Variants in PTPRG observed in about 807,000 individuals in gnomAD.
The protein encoded by PTPRG is protein tyrosine phosphatase receptor type G.
In PTPRG, 102 loss-of-function variants were observed where a neutral mutation model predicts 165.3. The ratio of observed to expected loss-of-function variants is 0.62; its 90% CI spans 0.53 to 0.73. The LOEUF (loss-of-function observed/expected upper bound fraction) is 0.73, where lower values mean the gene tolerates loss of function less well. Among genes scored for constraint, PTPRG ranks in the 30% least tolerant of loss-of-function variants. The pLI, the probability that PTPRG is intolerant of heterozygous loss-of-function variation, is 0.00. For synonymous variants in PTPRG, 675 were observed against 669.5 expected (o/e 1.01, Z -0.13); for missense variants, 1,866 against 1,861.4 (o/e 1.00, Z -0.05).
chr3:61,638,861 G>C (rs966915518), intron 1 of PTPRG, among the ~76,000 whole-genome samples: 1 of 152,040 alleles, frequency 6.6e-6, no homozygotes, highest in Non-Finnish European at 1.5e-5. Flanking sequence ...CATTCTGAAG[G>C]TTGTCTGTTT....
intron 19 of PTPRG, 91 bp from the exon 20 acceptor site, chr3:62,268,944 C>T: frequency 7.5e-7 from 1 of 1,341,852 alleles, no homozygotes; most frequent in Non-Finnish European, 9.9e-7. Flanking sequence ...GCAATCTCAC[C>T]TGTGTTTTAA....
At chr3:61,891,948 T>C (rs1306949387) in intron 2 of PTPRG, among the ~76,000 whole-genome samples, 2 of 152,200 alleles carry the variant, frequency 1.3e-5, no homozygotes, top group Non-Finnish European at 2.9e-5. Flanking sequence ...ATATGCATTT[T>C]CAGTAAATAA....
intron 2 of PTPRG, among the ~76,000 whole-genome samples, chr3:61,751,275 G>A (rs952106010): frequency 5.9e-5 from 9 of 152,286 alleles, no homozygotes; most frequent in African/African-American, 2.2e-4. Flanking sequence ...CATCAGACCA[G>A]CACCTTAAAA....
chr3:61,707,172 A>G (rs1176752843), intron 1 of PTPRG, among the ~76,000 whole-genome samples: 1 of 152,244 alleles, frequency 6.6e-6, no homozygotes, highest in African/African-American at 2.4e-5. Context: ...ATTACAAATA[A>G]TGCTGAAGTG....
chr3:62,103,859 G>A (rs553739485), intron 5 of PTPRG, among the ~76,000 whole-genome samples: 75 of 152,280 alleles, frequency 4.9e-4, no homozygotes, highest in Non-Finnish European at 1.5e-5. Flanking sequence ...TAATTTTGCA[G>A]GTAGACCCAA....
intron 4 of PTPRG, among the ~76,000 whole-genome samples, chr3:62,050,101 A>T (rs1346319908): frequency 1.3e-5 from 2 of 152,218 alleles, no homozygotes; most frequent in Admixed American, 1.3e-4. Context: ...TGCAATAGGT[A>T]AAACAATACT....
chr3:62,124,320 G>A (rs1348036441), intron 5 of PTPRG: 7 of 1,609,258 alleles, frequency 4.3e-6, no homozygotes, highest in Non-Finnish European at 6.0e-6. Context: ...CTGGATGCCT[G>A]GTTCTGCCCG....
At chr3:62,180,752 G>A (rs538144338) in intron 8 of PTPRG, among the ~76,000 whole-genome samples, 2 of 152,278 alleles carry the variant, frequency 1.3e-5, no homozygotes, top group South Asian at 4.1e-4. Context: ...ACAGGACATG[G>A]ACACCTCCCA....
At chr3:61,890,396 G>A (rs1344852746) in intron 2 of PTPRG, among the ~76,000 whole-genome samples, 6 of 140,362 alleles carry the variant, frequency 4.3e-5, no homozygotes, top group African/African-American at 1.7e-4. Context: ...GGTTTTGGGC[G>A]GGTTTCTTGT....
chr3:62,017,771 T>C (rs922514672), intron 4 of PTPRG, among the ~76,000 whole-genome samples: 1 of 152,190 alleles, frequency 6.6e-6, no homozygotes, highest in African/African-American at 2.4e-5. Flanking sequence ...GTAGCTCTTA[T>C]ATTAACAACC....
intron 19 of PTPRG, 34 bp downstream of exon 19, chr3:62,267,853 C>T (rs1471630414): frequency 6.3e-7 from 1 of 1,599,812 alleles, no homozygotes; most frequent in Non-Finnish European, 8.5e-7. Flanking sequence ...CTTAATAATG[C>T]ACCTTCATTC....
At chr3:61,821,537 A>G (rs2035958288) in intron 2 of PTPRG, among the ~76,000 whole-genome samples, 1 of 152,220 alleles carries the variant, frequency 6.6e-6, no homozygotes, top group Non-Finnish European at 1.5e-5. Flanking sequence ...TTTATGGGAA[A>G]TAGTATTTCT....
intron 1 of PTPRG, among the ~76,000 whole-genome samples, chr3:61,656,854 A>G (rs1702522349): frequency 1.3e-5 from 2 of 152,184 alleles, no homozygotes; most frequent in South Asian, 2.1e-4. Flanking sequence ...TTCCAGCCAT[A>G]TGCCGGGCCC....
intron 1 of PTPRG, among the ~76,000 whole-genome samples, chr3:61,589,313 ACTC>A (rs1253367570): frequency 6.6e-6 from 1 of 152,038 alleles, no homozygotes; most frequent in Non-Finnish European, 1.5e-5. Context: ...GCCAACTCTT[ACTC>A]TAATACCATC....
Position 61,584,929 on chromosome 3 carries a change from C to T in PTPRG, c.85+22557C>T, listed in dbSNP as rs150611818. On this transcript the variant is annotated intron_variant, in intron 1 of 29. Transcript: ENST00000474889. ...GAATGGGATGTCATTCTAATCTCCA[C>T]GTTTCTTCATAAATTTTTCACTAAT... Among the ~76,000 whole-genome samples, 19 of 152,260 alleles carry T rather than the reference C, an allele frequency of 1.2e-4. 1 individual carries two copies. The highest frequency in any genetic ancestry group is 4.1e-4 in the African/African-American group (17 of 41,526).
At chr3:61,702,819 G>C (rs1428561554) in intron 1 of PTPRG, among the ~76,000 whole-genome samples, 2 of 152,224 alleles carry the variant, frequency 1.3e-5, no homozygotes, top group African/African-American at 2.4e-5. Context: ...ATGTTGTGCG[G>C]TACTTACTCT....
In PTPRG at chr3:62,162,785, C is replaced by T. The variant is rs562999126; in HGVS notation, c.841-5186C>T. ...GCTCTTTCAGTGGATAATGCTAAGG[C>T]CTTTTATGCCTGTGGCATGAAATAG... On this transcript the variant is annotated intron_variant, in intron 7 of 29. Transcript: ENST00000474889. Among the ~76,000 whole-genome samples, 183 of 152,286 alleles carry T rather than the reference C, an allele frequency of 1.2e-3. 1 individual carries two copies. In the South Asian group the frequency reaches 0.015, roughly 12 times the overall value.
chr3:62,055,458 A>G (rs919445974), intron 4 of PTPRG, among the ~76,000 whole-genome samples: 1 of 152,204 alleles, frequency 6.6e-6, no homozygotes, highest in Admixed American at 6.5e-5. Context: ...TAGCAACCTC[A>G]ATAACTAGGT....
intron 17 of PTPRG, among the ~76,000 whole-genome samples, chr3:62,266,837 A>T (rs937000885): frequency 6.8e-6 from 1 of 148,076 alleles, no homozygotes; most frequent in African/African-American, 2.5e-5. Context: ...TACACATGTC[A>T]TGCATCACCT....
Sources: gnomAD v4.1 joint callset for allele counts (sites outside exome capture counted in the v4.1 genomes callset) on GRCh38, gnomAD v4.1.1 for gene constraint, MANE v1.5 for transcripts, NCBI Gene and HGNC (gene_info 2026-07-23, HGNC 2026-07-21) for gene names.